Variants in SOX5 observed in about 807,000 individuals in gnomAD.
SOX5 encodes transcription factor SOX-5.
Under a neutral mutation model 92.0 loss-of-function variants are expected in SOX5, and 9 were observed. That is an observed-to-expected ratio of 0.10 (90% CI 0.06 to 0.17). The LOEUF (loss-of-function observed/expected upper bound fraction) is 0.17. Among genes scored for constraint, SOX5 ranks in the 10% least tolerant of loss-of-function variants. The pLI is 1.00. For missense variants in SOX5, 642 were observed against 944.5 expected (o/e 0.68, Z 4.20); for synonymous variants, 344 against 336.3 (o/e 1.02, Z -0.25).
chr12:23,894,783 A>G (rs1278305324), intron 2 of SOX5, among the ~76,000 whole-genome samples: 4 of 152,218 alleles, frequency 2.6e-5, no homozygotes, highest in African/African-American at 7.2e-5. Context: ...CCTGGAGGAA[A>G]AAAAAAGATT....
In SOX5 at chr12:24,322,895, T is replaced by C. The variant is rs1208034818; in HGVS notation, c.-173-45583A>G. On this transcript the variant is annotated intron_variant, in intron 2 of 4. Transcript: ENST00000446891. The stretch of plus-strand genomic sequence containing the variant: ...TTTTTGTCCCACTTTCTAGTCATTA[T>C]AACCCCAAAGGTTCAAATTTAAAAT... Among the ~76,000 whole-genome samples the C allele has an allele frequency of 2.0e-5, 3 of 152,290 alleles. No homozygotes were observed. The East Asian group carries it at 5.8e-4, about 29-fold the overall frequency.
intron 2 of SOX5, among the ~76,000 whole-genome samples, chr12:24,325,156 A>T (rs912563298): frequency 2.7e-5 from 4 of 146,340 alleles, no homozygotes; most frequent in Non-Finnish European, 4.5e-5. Flanking sequence ...AAAATAAGTT[A>T]AAAAAAAAAC....
chr12:23,757,619 C>A (rs1241411024), intron 3 of SOX5, among the ~76,000 whole-genome samples: 1 of 151,892 alleles, frequency 6.6e-6, no homozygotes, highest in Non-Finnish European at 1.5e-5. Flanking sequence ...GTAAACAGGG[C>A]ACAGCCAATA....
At chr12:23,806,921 T>C (rs2095789351) in intron 3 of SOX5, among the ~76,000 whole-genome samples, 1 of 152,118 alleles carries the variant, frequency 6.6e-6, no homozygotes, top group African/African-American at 2.4e-5. Flanking sequence ...AAGAAGAGTG[T>C]GTTTGTTTTT....
At chr12:24,025,782 T>A (rs1954808157) in intron 4 of SOX5, among the ~76,000 whole-genome samples, 1 of 151,998 alleles carries the variant, frequency 6.6e-6, no homozygotes, top group Non-Finnish European at 1.5e-5. Context: ...CTGAAAAAAT[T>A]CCATAGAATA....
intron 8 of SOX5, among the ~76,000 whole-genome samples, chr12:23,624,735 C>T (rs2077563801): frequency 6.6e-6 from 1 of 152,042 alleles, no homozygotes; most frequent in Non-Finnish European, 1.5e-5. Context: ...TGGAACTGTC[C>T]CATATCCTGA....
chr12:24,479,924 C>T (rs1945802165), intron 1 of SOX5, among the ~76,000 whole-genome samples: 1 of 152,140 alleles, frequency 6.6e-6, no homozygotes, highest in African/African-American at 2.4e-5. Flanking sequence ...CCTCAGCCTC[C>T]CAAAGTGCTG....
chr12:24,491,192 T>A (rs959923383), intron 1 of SOX5, among the ~76,000 whole-genome samples: 1 of 152,280 alleles, frequency 6.6e-6, no homozygotes, highest in African/African-American at 2.4e-5. Context: ...TGACTTTGTA[T>A]GGTGGGTTCT....
chr12:24,242,276 G>A (rs1331346393), intron 3 of SOX5, among the ~76,000 whole-genome samples: 2 of 152,086 alleles, frequency 1.3e-5, no homozygotes, highest in Non-Finnish European at 2.9e-5. Context: ...ACTTGGTTAT[G>A]GCTATAAATA....
chr12:24,293,806 C>T (rs1448484529), intron 2 of SOX5, among the ~76,000 whole-genome samples: 1 of 152,144 alleles, frequency 6.6e-6, no homozygotes, highest in African/African-American at 2.4e-5. Context: ...TTCTACTTTT[C>T]TAAACTATCA....
chr12:24,496,113 C>T (rs538464703), intron 1 of SOX5, among the ~76,000 whole-genome samples: 4 of 152,104 alleles, frequency 2.6e-5, no homozygotes, highest in Admixed American at 6.5e-5. Flanking sequence ...CTCTATACTC[C>T]CCGATCCAAA....
rs544385946 is a variant in SOX5, at chr12:24,125,929, G to C, written c.-2+87414C>G. Among the ~76,000 whole-genome samples the C allele has an allele frequency of 2.5e-4, 38 of 152,244 alleles. 1 individual carries two copies. Among genetic ancestry groups the C allele is most frequent in the Middle Eastern group, 3.4e-3 (1 of 294 alleles). On this transcript the variant is annotated intron_variant, in intron 4 of 4. Coordinates refer to the SOX5 transcript ENST00000446891. ...CCTCTAATAACCAGTGAATCCAAGA[G>C]GGCCTTTCAGATCCGTATCTTGCTT...
intron 9 of SOX5, among the ~76,000 whole-genome samples, chr12:23,595,846 A>C (rs1321112867): frequency 6.6e-6 from 1 of 152,158 alleles, no homozygotes; most frequent in African/African-American, 2.4e-5. Context: ...TTATGAGCAC[A>C]CTAAAAGCCT....
intron 6 of SOX5, among the ~76,000 whole-genome samples, chr12:23,669,504 G>A (rs1258876773): frequency 2.6e-5 from 4 of 152,142 alleles, no homozygotes; most frequent in East Asian, 1.9e-4. Context: ...GGGGAATCAC[G>A]GAGGGATTAA....
rs142723330 is a variant in SOX5, at chr12:23,650,408, A to G, written c.932-9511T>C. Among the ~76,000 whole-genome samples the G allele has an allele frequency of 7.9e-3, 1,196 of 152,224 alleles. 14 individuals are homozygous for G. The highest frequency in any genetic ancestry group is 0.028 in the African/African-American group (1,143 of 41,556). The stretch of plus-strand genomic sequence containing the variant: ...TTTCAGTGCAACGAGCATTGCTCCT[A>G]TTAAAAACCTTCTCAGATTGGTACT... On this transcript the variant is annotated intron_variant, in intron 7 of 14. Coordinates refer to ENST00000451604, the MANE Select transcript of SOX5 (RefSeq NM_006940.6).
intron 1 of SOX5, among the ~76,000 whole-genome samples, chr12:24,537,199 T>G (rs912954566): frequency 2.0e-5 from 3 of 152,146 alleles, no homozygotes; most frequent in Non-Finnish European, 4.4e-5. Flanking sequence ...GTATCATAGG[T>G]TGATGATGAA....
chr12:24,415,383 T>C (rs1321911978), intron 1 of SOX5, among the ~76,000 whole-genome samples: 5 of 152,236 alleles, frequency 3.3e-5, no homozygotes, highest in Admixed American at 1.3e-4. Flanking sequence ...TCTGAGATAA[T>C]TGACATCTAG....
chr12:23,778,455 G>C (rs561694495), intron 3 of SOX5, among the ~76,000 whole-genome samples: 7 of 152,276 alleles, frequency 4.6e-5, no homozygotes, highest in Admixed American at 3.3e-4. Context: ...AGGCATGAGA[G>C]AGAAAGCCTA....
chr12:23,933,643 A>G (rs1203614316), intron 1 of SOX5, among the ~76,000 whole-genome samples: 2 of 151,626 alleles, frequency 1.3e-5, no homozygotes, highest in East Asian at 3.9e-4. Context: ...TCAGAACAGT[A>G]AATATAAAGT....
Sources: gnomAD v4.1 joint callset for allele counts (sites outside exome capture counted in the v4.1 genomes callset) on GRCh38, gnomAD v4.1.1 for gene constraint, MANE v1.5 for transcripts, NCBI Gene and HGNC (gene_info 2026-07-23, HGNC 2026-07-21) for gene names.